DCK: variants seen among roughly 807,000 people sequenced by gnomAD.
DCK encodes deoxycytidine kinase.
In DCK, 23 loss-of-function variants were observed where a neutral mutation model predicts 38.3. The observed-to-expected ratio is 0.60, with a 90% CI of 0.43 to 0.85. The LOEUF (loss-of-function observed/expected upper bound fraction) is 0.85, where lower values mean the gene tolerates loss of function less well. Ranked by LOEUF, DCK falls within the 40% of genes least tolerant of loss-of-function variation. The probability of loss-of-function intolerance (pLI) is 0.00; values close to 1 mark genes in which losing one functional copy is unlikely to be tolerated. For synonymous variants in DCK, 108 were observed against 100.6 expected, an observed-to-expected ratio of 1.07 and a Z score of -0.44; for missense variants, 259 against 304.4, an observed-to-expected ratio of 0.85 and a Z score of 1.11.
At chr4:71,020,090 GAT>G (rs1273617387) in intron 2 of DCK, among the ~76,000 whole-genome samples, 1 of 152,134 alleles carries the variant, frequency 6.6e-6, no homozygotes, top group African/African-American at 2.4e-5. Context: ...GCCTGCCCTT[GAT>G]ATGCCTTTTA....
chr4:71,013,362 C>T (rs1740153506), intron 2 of DCK, among the ~76,000 whole-genome samples: 1 of 152,158 alleles, frequency 6.6e-6, no homozygotes, highest in Non-Finnish European at 1.5e-5. Flanking sequence ...AGAACTTCCC[C>T]AATCTAGCAA....
intron 1 of DCK, among the ~76,000 whole-genome samples, chr4:70,995,801 A>G (rs141549119): frequency 1.3e-5 from 2 of 152,212 alleles, no homozygotes; most frequent in East Asian, 3.9e-4. Context: ...TTTGTATGCA[A>G]ATGTCATGTG....
chr4:71,002,969 A>G (rs1339382688), intron 2 of DCK, among the ~76,000 whole-genome samples: 1 of 152,114 alleles, frequency 6.6e-6, no homozygotes, highest in African/African-American at 2.4e-5. Context: ...TAAGGTTAAT[A>G]TTGTTATGTG....
intron 6 of DCK, 36 bp from the exon 7 acceptor site, chr4:71,029,316 G>T: frequency 6.8e-7 from 1 of 1,478,094 alleles, no homozygotes; most frequent in Non-Finnish European, 9.3e-7. Context: ...AATTAGTCAA[G>T]GAATTATACT....
chr4:71,022,339 T>A, intron 2 of DCK, 28 bp from the exon 3 acceptor site: 1 of 1,411,972 alleles, frequency 7.1e-7, no homozygotes, highest in Non-Finnish European at 9.4e-7. Context: ...AATTTTGCTT[T>A]TTATTTCTTT....
intron 6 of DCK, chr4:71,028,553 A>G (rs993666160): frequency 1.3e-5 from 5 of 389,930 alleles, no homozygotes; most frequent in African/African-American, 2.1e-5. Flanking sequence ...AACTCCTAAA[A>G]TGACCTTTTA....
intron 2 of DCK, among the ~76,000 whole-genome samples, chr4:71,017,539 T>C (rs1740302036): frequency 6.6e-6 from 1 of 152,084 alleles, no homozygotes; most frequent in African/African-American, 2.4e-5. Context: ...CAGATGTCCA[T>C]CAGTAATAGA....
At chr4:71,019,418 A>G (rs531691110) in intron 2 of DCK, among the ~76,000 whole-genome samples, 2 of 152,152 alleles carry the variant, frequency 1.3e-5, no homozygotes, top group Non-Finnish European at 2.9e-5. Flanking sequence ...AAAATTTATC[A>G]TCTGAACCAT....
At chr4:70,997,111 C>A (rs1444752894) in intron 1 of DCK, among the ~76,000 whole-genome samples, 2 of 152,106 alleles carry the variant, frequency 1.3e-5, no homozygotes, top group African/African-American at 4.8e-5. Flanking sequence ...AATTTTTCTG[C>A]TTGTAAGCAG....
chr4:71,022,396 G>A lies in DCK; in HGVS notation c.237G>A (p.Gly79=). The change falls in exon 3 of 7, where the codon GGG becomes GGA. Residue 79 remains glycine (G), a synonymous_variant. Transcript: ENST00000286648. ...TTACAATGTCTCAGAAAAATGGTGG[G>A]AATGTTCTTCAGATGATGTATGAGA... The part of the protein sequence containing the change: ...EELTMSQKNG[G]NVLQMMYEKP... 1 of 1,535,846 alleles carries A rather than the reference G, an allele frequency of 6.5e-7. No homozygotes were observed. Among genetic ancestry groups the A allele is most frequent in the South Asian group, 1.3e-5 (1 of 77,710 alleles).
chr4:71,006,510 A>C (rs1739946260), intron 2 of DCK, among the ~76,000 whole-genome samples: 1 of 152,070 alleles, frequency 6.6e-6, no homozygotes, highest in South Asian at 2.1e-4. Context: ...TTATTAGGAA[A>C]GTAAAGCAAT....
chr4:70,994,283 A>G (rs879553116), intron 1 of DCK, among the ~76,000 whole-genome samples: 2 of 152,160 alleles, frequency 1.3e-5, no homozygotes, highest in African/African-American at 2.4e-5. Context: ...GTACTCTTCT[A>G]TGAGGTTTGA....
chr4:71,029,211 G>A (rs553424168), intron 6 of DCK, 141 bp from the exon 7 acceptor site: 1 of 518,912 alleles, frequency 1.9e-6, no homozygotes, highest in African/African-American at 2.0e-5. Context: ...TATTTCTTTG[G>A]AAAGTAAATG....
At chr4:71,025,592 CA>C (rs1380414990) in intron 4 of DCK, among the ~76,000 whole-genome samples, 1 of 151,858 alleles carries the variant, frequency 6.6e-6, no homozygotes, top group Admixed American at 6.6e-5. Flanking sequence ...GGATGGATAC[CA>C]AAAATTTATA....
intron 2 of DCK, among the ~76,000 whole-genome samples, chr4:71,021,168 C>T (rs568111873): frequency 5.4e-4 from 81 of 150,698 alleles, no homozygotes; most frequent in Middle Eastern, 3.5e-3. Context: ...CTCCGCTTCC[C>T]GGGTTCACGC....
chr4:71,013,485 A>G (rs1740158125), intron 2 of DCK, among the ~76,000 whole-genome samples: 2 of 152,234 alleles, frequency 1.3e-5, no homozygotes, highest in Admixed American at 1.3e-4. Flanking sequence ...AAATGAAGGG[A>G]AAAATGTTAA....
chr4:71,030,273 CATCTT>C lies in DCK; in HGVS notation c.*897_*901del, dbSNP rs796792771. The C allele has an allele frequency of 3.7e-4, 57 of 152,466 alleles. 1 individual carries two copies. Among genetic ancestry groups the C allele is most frequent in the African/African-American group, 1.3e-3 (52 of 41,544 alleles). 9.4% of individuals were successfully genotyped at this position (152,466 alleles called of 1,614,324 possible). A position where few individuals can be genotyped will look rare whatever the true frequency, so the allele number is the denominator to read the frequency against. ...TATTTGTAAAAATAATGAATGGACT[CATCTT>C]AGTTCTGTATATAAATATATTTTCT... On this transcript the variant is annotated 3_prime_UTR_variant, in exon 7 of 7. Transcript: ENST00000286648.
chr4:71,000,565 A>G (rs1176992260), intron 2 of DCK, among the ~76,000 whole-genome samples: 3 of 152,138 alleles, frequency 2.0e-5, no homozygotes, highest in Admixed American at 6.6e-5. Flanking sequence ...AAGAAAGTCA[A>G]TGGTAGCTTG....
At chr4:71,021,669 T>C (rs1189020512) in intron 2 of DCK, among the ~76,000 whole-genome samples, 2 of 152,318 alleles carry the variant, frequency 1.3e-5, no homozygotes, top group East Asian at 3.9e-4. Flanking sequence ...CATCTGTGAC[T>C]TGATTCTAGC....
Sources: allele counts gnomAD v4.1 joint callset (sites outside exome capture counted in the v4.1 genomes callset), GRCh38; gene constraint gnomAD v4.1.1; transcripts MANE v1.5; gene names NCBI Gene and HGNC (gene_info 2026-07-23, HGNC 2026-07-21).